The following DHX30 variants were observed in gnomAD, a reference collection of about 807,000 sequenced individuals.
DHX30 encodes DExH-box helicase 30, also known as ATP-dependent RNA helicase DHX30.
A neutral mutation model predicts 116.9 loss-of-function variants in DHX30; 4 were observed. The ratio of observed to expected loss-of-function variants is 0.03; its 90% CI spans 0.02 to 0.08. DHX30 has a LOEUF of 0.08. Among genes scored for constraint, DHX30 ranks in the 10% least tolerant of loss-of-function variants. The pLI, the probability that DHX30 is intolerant of heterozygous loss-of-function variation, is 1.00. For synonymous variants in DHX30, 697 were observed against 651.7 expected, an observed-to-expected ratio of 1.07 and a Z score of -1.06; for missense variants, 871 against 1,595.1, an observed-to-expected ratio of 0.55 and a Z score of 7.73.
chr3:47,842,988 T>C (rs2037450280), intron 8 of DHX30, 118 bp from the exon 9 acceptor site: 44 of 1,306,718 alleles, frequency 3.4e-5, no homozygotes, highest in Non-Finnish European at 4.4e-5. Context: ...GGCTCACGCC[T>C]GGCACCTGCT....
In DHX30 at chr3:47,845,866, C is replaced by T; in HGVS notation, c.1092+14C>T. The T allele has an allele frequency of 1.3e-6, 2 of 1,589,774 alleles. No homozygotes were observed. Among genetic ancestry groups the T allele is most frequent in the East Asian group, 2.3e-5 (1 of 44,268 alleles). On this transcript the variant is annotated intron_variant, in intron 10 of 21. Coordinates refer to ENST00000445061, the MANE Select transcript of DHX30 (RefSeq NM_138615.3). ...TTCCTGAACCATGTAAGAGGCCCTG[C>T]ATCCCTCACCACCCCTGCTCCCTGT...
intron 4 of DHX30, among the ~76,000 whole-genome samples, chr3:47,820,361 G>A (rs1196491851): frequency 6.6e-6 from 1 of 152,048 alleles, no homozygotes; most frequent in Non-Finnish European, 1.5e-5. Flanking sequence ...GAAGCCATGA[G>A]GACGGATGAC....
intron 6 of DHX30, among the ~76,000 whole-genome samples, chr3:47,839,538 C>T (rs2037271386): frequency 6.6e-6 from 1 of 152,066 alleles, no homozygotes; most frequent in African/African-American, 2.4e-5. Context: ...AGGTGATCCG[C>T]CCACCTCGGC....
intron 4 of DHX30, among the ~76,000 whole-genome samples, chr3:47,825,588 A>G (rs2036517361): frequency 6.6e-6 from 1 of 152,216 alleles, no homozygotes; most frequent in African/African-American, 2.4e-5. Flanking sequence ...TGTGAGAAAT[A>G]GCCCAAAGTA....
At chr3:47,815,604 T>C (rs2036013349) in intron 3 of DHX30, among the ~76,000 whole-genome samples, 1 of 151,958 alleles carries the variant, frequency 6.6e-6, no homozygotes, top group Admixed American at 6.6e-5. Flanking sequence ...AGAATGCCCA[T>C]GTTCCTGGTA....
At chr3:47,834,307 G>T (rs1199313524) in intron 6 of DHX30, among the ~76,000 whole-genome samples, 1 of 151,744 alleles carries the variant, frequency 6.6e-6, no homozygotes, top group African/African-American at 2.4e-5. Context: ...TTTCGCCATG[G>T]TGGCCAGGCT....
intron 3 of DHX30, chr3:47,816,836 T>C: frequency 1.0e-6 from 1 of 985,316 alleles, no homozygotes; most frequent in Non-Finnish European, 1.2e-6. Flanking sequence ...TCAAAAATAC[T>C]GAAACATTGA....
intron 9 of DHX30, among the ~76,000 whole-genome samples, chr3:47,844,190 C>T (rs1478189044): frequency 1.3e-5 from 2 of 152,172 alleles, no homozygotes; most frequent in African/African-American, 4.8e-5. Context: ...TTCATGGGTA[C>T]AGTTGGCTCT....
chr3:47,813,421 A>G (rs979530864), intron 3 of DHX30, among the ~76,000 whole-genome samples: 1 of 152,236 alleles, frequency 6.6e-6, no homozygotes. Flanking sequence ...AGGCAATGGC[A>G]GAATTGAGCC....
chr3:47,808,633 A>G (rs1191744199), intron 2 of DHX30, among the ~76,000 whole-genome samples: 1 of 144,714 alleles, frequency 6.9e-6, no homozygotes, highest in Non-Finnish European at 1.5e-5. Context: ...TGGAGTGCAG[A>G]GGTGTGATCT....
intron 6 of DHX30, among the ~76,000 whole-genome samples, chr3:47,834,652 G>A (rs2037023654): frequency 6.6e-6 from 1 of 151,940 alleles, no homozygotes; most frequent in South Asian, 2.1e-4. Flanking sequence ...TAGAGATGGG[G>A]TCTTCCAGTG....
At chr3:47,846,029 A>C in intron 10 of DHX30, 136 bp from the exon 11 acceptor site, 2 of 1,388,130 alleles carry the variant, frequency 1.4e-6, no homozygotes, top group Non-Finnish European at 2.0e-6. Flanking sequence ...ATCCCGGGGC[A>C]GTCATGGACT....
intron 6 of DHX30, among the ~76,000 whole-genome samples, 180 bp downstream of exon 6, chr3:47,829,314 A>ATATTTTTTTT (rs1177077114): frequency 2.9e-5 from 1 of 34,192 alleles, no homozygotes; most frequent in African/African-American, 1.1e-4. Flanking sequence ...ATATATATAT[A>ATATTTTTTTT]TTTTTTTTTT....
chr3:47,815,115 G>A (rs2035993271), intron 3 of DHX30, among the ~76,000 whole-genome samples: 1 of 152,120 alleles, frequency 6.6e-6, no homozygotes, highest in East Asian at 1.9e-4. Flanking sequence ...GTAAGTTGAT[G>A]TGAAGCTTGA....
intron 3 of DHX30, among the ~76,000 whole-genome samples, chr3:47,813,733 T>A (rs1227600341): frequency 6.6e-6 from 1 of 152,160 alleles, no homozygotes; most frequent in Non-Finnish European, 1.5e-5. Flanking sequence ...GGGAAACCCC[T>A]GGCCAAGTGG....
intron 2 of DHX30, 63 bp from the exon 3 acceptor site, chr3:47,810,594 C>A: frequency 7.3e-7 from 1 of 1,362,772 alleles, no homozygotes; most frequent in Non-Finnish European, 1.0e-6. Context: ...TTACTGAAGT[C>A]TTCTTTGTGG....
chr3:47,825,066 G>A (rs1297149964), intron 4 of DHX30: 6 of 665,898 alleles, frequency 9.0e-6, no homozygotes, highest in Admixed American at 4.3e-5. Context: ...GACTCATGGC[G>A]CTGGCCGCCG....
At chr3:47,831,990 A>G (rs867143232) in intron 6 of DHX30, among the ~76,000 whole-genome samples, 1 of 129,278 alleles carries the variant, frequency 7.7e-6, no homozygotes, top group African/African-American at 2.9e-5. Context: ...TTATTGTTGA[A>G]TCTTGAACTA....
chr3:47,827,248 A>G lies in DHX30; in HGVS notation c.125-99A>G, dbSNP rs1483291152. 1.0e-5 allele frequency: 13 copies of G among 1,301,728 alleles called. No individual in the cohort carries two copies. In the African/African-American group the frequency reaches 1.1e-4, roughly 11 times the overall value. 80.6% of individuals were successfully genotyped at this position (1,301,728 alleles called of 1,614,324 possible). A position where few individuals can be genotyped will look rare whatever the true frequency, so the allele number is the denominator to read the frequency against. ...CTGGGTGGTTTGGGGTCATGAGCCA[A>G]CATCCTCAGAATCCAGCCCAGGGTT... On this transcript the variant is annotated intron_variant, in intron 4 of 21. Transcript: ENST00000445061.
Sources: allele counts gnomAD v4.1 joint callset (sites outside exome capture counted in the v4.1 genomes callset), GRCh38; gene constraint gnomAD v4.1.1; transcripts MANE v1.5; gene names NCBI Gene and HGNC (gene_info 2026-07-23, HGNC 2026-07-21).